HDAC9: variants seen among roughly 807,000 people sequenced by gnomAD.
The protein encoded by HDAC9 is histone deacetylase 9.
A neutral mutation model predicts 139.4 loss-of-function variants in HDAC9; 41 were observed. The observed-to-expected ratio is 0.29, with a 90% CI of 0.23 to 0.38. HDAC9 has a LOEUF of 0.38. HDAC9 is among the 10% of genes least tolerant of loss of function. HDAC9 has a pLI of 1.00. For missense variants in HDAC9, 1,147 were observed against 1,297.0 expected (o/e 0.88, Z 1.78); for synonymous variants, 517 against 476.2 (o/e 1.09, Z -1.12).
intron 8 of HDAC9, among the ~76,000 whole-genome samples, chr7:18,643,485 G>A (rs183819280): frequency 6.6e-6 from 1 of 152,146 alleles, no homozygotes; most frequent in Admixed American, 6.5e-5. Context: ...CTCTTATTAT[G>A]TTAAGACTAA....
Position 18,619,911 on chromosome 7 carries a change from CTCTTTCAAAGCAAATGAATG to C in HDAC9, c.665-9435_665-9416del, listed in dbSNP as rs1392072369. ...ACATCTCACTAAGCCCTGGAGGATC[CTCTTTCAAAGCAAATGAATG>C]TCTGCCTTTCAGCCACAACACTCTG... is the stretch of plus-strand genomic sequence containing the variant. On this transcript the variant is annotated intron_variant, in intron 6 of 25. Transcript: ENST00000686413. Among the ~76,000 whole-genome samples the C allele has an allele frequency of 5.3e-5, 8 of 152,256 alleles. No individual in the cohort carries two copies. In the South Asian group the frequency reaches 1.5e-3, roughly 28 times the overall value.
At chr7:18,979,777 G>A (rs1784778743) in intron 25 of HDAC9, among the ~76,000 whole-genome samples, 1 of 152,114 alleles carries the variant, frequency 6.6e-6, no homozygotes, top group African/African-American at 2.4e-5. Context: ...GAGTGGAGGG[G>A]AAGGTGCCAC....
In HDAC9 at chr7:18,320,007, G is replaced by T. The variant is rs556816276; in HGVS notation, c.-42+29492G>T. Among the ~76,000 whole-genome samples, 3 of 152,262 alleles carry T rather than the reference G, an allele frequency of 2.0e-5. No homozygotes were observed. The East Asian group carries it at 5.8e-4, about 29-fold the overall frequency. On this transcript the variant is annotated intron_variant, in intron 1 of 3. Transcript: ENST00000413509. ...ATGTTAACCTTAACAATTCACAAGG[G>T]GTGGTGGGAACTAAAGATTTTTTTT...
chr7:18,940,293 A>T (rs943589603), intron 23 of HDAC9, among the ~76,000 whole-genome samples: 24 of 152,292 alleles, frequency 1.6e-4, no homozygotes, highest in African/African-American at 4.1e-4. Flanking sequence ...TCTACTTAGC[A>T]AAACATCTCT....
intron 2 of HDAC9, among the ~76,000 whole-genome samples, chr7:18,271,089 AT>A (rs1233837932): frequency 6.6e-6 from 1 of 152,196 alleles, no homozygotes; most frequent in Admixed American, 6.5e-5. Context: ...GTTTGTCTGT[AT>A]TGCAAACATT....
At position 18,905,008 on chromosome 7, in the gene HDAC9, A is replaced by G. The variant is rs536152456; in HGVS notation, c.2803+30412A>G. Among the ~76,000 whole-genome samples the G allele has an allele frequency of 3.3e-5, 5 of 151,802 alleles. No homozygotes were observed. The South Asian group carries it at 1.0e-3, about 32-fold the overall frequency. ...CCGCCTCCAGGGTTCAAGGGATTCT[A>G]CTGCTTTAGCCTCCTGAGTAGCTGG... On this transcript the variant is annotated intron_variant, in intron 22 of 25. Coordinates refer to ENST00000686413, the MANE Select transcript of HDAC9 (RefSeq NM_178425.4).
intron 22 of HDAC9, among the ~76,000 whole-genome samples, chr7:18,928,326 T>C (rs1475441257): frequency 1.3e-5 from 2 of 152,210 alleles, no homozygotes; most frequent in Non-Finnish European, 2.9e-5. Context: ...TTGCTAAATA[T>C]ACATGGGTTC....
chr7:18,423,919 A>G (rs923316088), intron 1 of HDAC9, among the ~76,000 whole-genome samples: 3 of 152,204 alleles, frequency 2.0e-5, no homozygotes, highest in African/African-American at 4.8e-5. Flanking sequence ...TCACATTTAT[A>G]AGGAGGGAAG....
At chr7:18,933,454 A>T (rs901743324) in intron 22 of HDAC9, among the ~76,000 whole-genome samples, 6 of 152,086 alleles carry the variant, frequency 3.9e-5, no homozygotes, top group Non-Finnish European at 8.8e-5. Context: ...GATCTCATTC[A>T]TGAAGACTCT....
chr7:18,433,753 G>T, intron 1 of HDAC9, among the ~76,000 whole-genome samples: 1 of 152,168 alleles, frequency 6.6e-6, no homozygotes, highest in South Asian at 2.1e-4. Flanking sequence ...GTCAAACACT[G>T]CTGAAAGAAG....
intron 12 of HDAC9, among the ~76,000 whole-genome samples, chr7:18,695,768 C>T (rs934048776): frequency 5.3e-5 from 8 of 152,134 alleles, no homozygotes; most frequent in African/African-American, 1.9e-4. Context: ...AGGATTCTTC[C>T]TTTTTCTTAA....
chr7:18,422,484 C>G (rs1789713139), intron 1 of HDAC9, among the ~76,000 whole-genome samples: 1 of 152,142 alleles, frequency 6.6e-6, no homozygotes, highest in Non-Finnish European at 1.5e-5. Flanking sequence ...AAATCCTAAT[C>G]TATTCCACTT....
chr7:18,954,463 G>A, intron 24 of HDAC9: 1 of 432,994 alleles, frequency 2.3e-6, no homozygotes, highest in Non-Finnish European at 4.0e-6. Context: ...TCAGGTATTT[G>A]GAGTTTTTAC....
chr7:18,860,127 T>C (rs1798000030), intron 21 of HDAC9, among the ~76,000 whole-genome samples: 2 of 151,706 alleles, frequency 1.3e-5, no homozygotes, highest in South Asian at 2.1e-4. Flanking sequence ...GTATAATCTC[T>C]TTAGGGATTT....
In HDAC9 at chr7:18,999,143, C is replaced by G. The variant is rs1296545932; in HGVS notation, c.*3081C>G. The G allele has an allele frequency of 6.6e-6, 1 of 152,130 alleles. No homozygotes were observed. The highest frequency in any genetic ancestry group is 2.4e-5 in the African/African-American group (1 of 41,412). The allele number at this position is 152,130 out of a possible 1,614,324, so 9.4% of individuals were successfully genotyped here. A position where few individuals can be genotyped will look rare whatever the true frequency, so the allele number is the denominator to read the frequency against. On this transcript the variant is annotated 3_prime_UTR_variant, in exon 26 of 26. Transcript: ENST00000686413. ...AATAGAGATATTTATGAAAAAACTA[C>G]TACAAATCACATTTCCATTACCAAT...
In HDAC9 at chr7:18,441,187, G is replaced by A. The variant is rs144870275; in HGVS notation, c.-41-55075G>A. Among the ~76,000 whole-genome samples, 292 of 152,274 alleles carry A rather than the reference G, an allele frequency of 1.9e-3. 2 individuals carry two copies. The highest frequency in any genetic ancestry group is 5.7e-3 in the African/African-American group (238 of 41,568). ...TGTATATCAAAGAACATGTCATTCT[G>A]TTCGTTTGTTAATAGCAACTTCATA... is the stretch of plus-strand genomic sequence containing the variant. On this transcript the variant is annotated intron_variant, in intron 1 of 3. Transcript: ENST00000413509.
Position 18,985,590 on chromosome 7 carries a change from T to C in HDAC9, c.3170+9637T>C, listed in dbSNP as rs1348276268. Among the ~76,000 whole-genome samples, 502 of 149,912 alleles carry C rather than the reference T, an allele frequency of 3.3e-3. 1 individual carries two copies. Among genetic ancestry groups the C allele is most frequent in the African/African-American group, 0.011 (465 of 40,580 alleles). ...AGTCCTTTGGGTATATACCCAGTAA[T>C]GGGATGGCTGGGTCAAATGGTATTT... On this transcript the variant is annotated intron_variant, in intron 25 of 25. Coordinates refer to ENST00000686413, the MANE Select transcript of HDAC9 (RefSeq NM_178425.4).
rs539514811 is a variant in HDAC9, at chr7:18,960,791, C to T, written c.3022+6561C>T. On this transcript the variant is annotated intron_variant, in intron 24 of 25. Coordinates refer to ENST00000686413, the MANE Select transcript of HDAC9 (RefSeq NM_178425.4). ...CTCCCATCATTATAATATCCTCTAC[C>T]GACCCCAGTACAAGGAGAAGGGGCA... Among the ~76,000 whole-genome samples the T allele has an allele frequency of 9.2e-5, 14 of 152,014 alleles. 1 individual carries two copies. The South Asian group carries it at 1.0e-3, about 11-fold the overall frequency.
chr7:18,983,614 G>C (rs1255502267), intron 25 of HDAC9, among the ~76,000 whole-genome samples: 1 of 152,098 alleles, frequency 6.6e-6, no homozygotes, highest in African/African-American at 2.4e-5. Context: ...GCTAAAATTA[G>C]AATTGCTGGG....
Sources: gnomAD v4.1 joint callset for allele counts (sites outside exome capture counted in the v4.1 genomes callset) on GRCh38, gnomAD v4.1.1 for gene constraint, MANE v1.5 for transcripts, NCBI Gene and HGNC (gene_info 2026-07-23, HGNC 2026-07-21) for gene names.